PEX14: variants seen among roughly 807,000 people sequenced by gnomAD.
PEX14 encodes the protein peroxisomal biogenesis factor 14, also known as peroxisomal membrane protein PEX14.
In PEX14, 15 loss-of-function variants were observed where a neutral mutation model predicts 49.5. That is an observed-to-expected ratio of 0.30 (90% CI 0.20 to 0.47). The LOEUF is 0.47. Ranked by LOEUF, PEX14 falls within the 20% of genes least tolerant of loss-of-function variation. PEX14 has a pLI of 1.00. For missense variants in PEX14, 398 were observed against 494.8 expected (o/e 0.80, Z 1.86); for synonymous variants, 210 against 212.7 (o/e 0.99, Z 0.11).
intron 4 of PEX14, among the ~76,000 whole-genome samples, chr1:10,606,708 A>G (rs1389556792): frequency 6.6e-6 from 1 of 152,210 alleles, no homozygotes; most frequent in Non-Finnish European, 1.5e-5. Context: ...TTAAAGTTGC[A>G]TTAGAATTCT....
chr1:10,629,485 C>T lies in PEX14; in HGVS notation c.678-46C>T, dbSNP rs775094435. 28 of 1,361,756 alleles carry T rather than the reference C, an allele frequency of 2.1e-5. No homozygotes were observed. The highest frequency in any genetic ancestry group is 2.6e-5 in the Non-Finnish European group (25 of 956,226). The allele number at this position is 1,361,756 out of a possible 1,614,324, so 84.4% of individuals were successfully genotyped here. On this transcript the variant is annotated intron_variant, in intron 8 of 8. Transcript: ENST00000356607. This position sits in a 1 kb window ranked among gnomAD's most constrained non-coding sequence, Gnocchi z 8.5. ...GAAGGCGTGGCCCTTCGAAGGGGGG[C>T]GTCCTGAATGCCGCCACCAACCTCC...
chr1:10,595,374 G>A (rs1414509698), intron 3 of PEX14, among the ~76,000 whole-genome samples: 1 of 152,178 alleles, frequency 6.6e-6, no homozygotes, highest in Non-Finnish European at 1.5e-5. Context: ...GAGCTAGTGG[G>A]TGGAGAGAGT....
chr1:10,480,218 G>A (rs1431928037), intron 1 of PEX14, among the ~76,000 whole-genome samples: 1 of 146,618 alleles, frequency 6.8e-6, no homozygotes, highest in African/African-American at 2.5e-5. Context: ...TTTTTGTTTT[G>A]TTTTGTTTTT....
intron 3 of PEX14, among the ~76,000 whole-genome samples, chr1:10,566,639 C>T (rs551136693): frequency 6.6e-6 from 1 of 152,182 alleles, no homozygotes; most frequent in South Asian, 2.1e-4. Flanking sequence ...CAGGCATGTG[C>T]CATCATGCCT....
intron 2 of PEX14, among the ~76,000 whole-genome samples, chr1:10,517,651 G>C (rs1286496101): frequency 2.4e-5 from 3 of 127,482 alleles, no homozygotes; most frequent in Non-Finnish European, 3.4e-5. Context: ...TTTCCATTTT[G>C]TTCTTTTTTT....
At chr1:10,619,852 T>G (rs1641539279) in intron 5 of PEX14, among the ~76,000 whole-genome samples, 1 of 152,102 alleles carries the variant, frequency 6.6e-6, no homozygotes, top group South Asian at 2.1e-4. Context: ...ACGCCTGTAA[T>G]CCCAGCACTT....
At chr1:10,511,558 C>T (rs985502578) in intron 2 of PEX14, among the ~76,000 whole-genome samples, 3 of 152,194 alleles carry the variant, frequency 2.0e-5, no homozygotes, top group Non-Finnish European at 4.4e-5. Flanking sequence ...GGACCTATAA[C>T]TTCTAGAGAT....
chr1:10,494,946 C>G lies in PEX14; in HGVS notation c.37-328C>G, dbSNP rs190289600. Among the ~76,000 whole-genome samples the G allele has an allele frequency of 3.3e-4, 51 of 152,322 alleles. No homozygotes were observed. Among genetic ancestry groups the G allele is most frequent in the African/African-American group, 1.1e-3 (46 of 41,564 alleles). The stretch of plus-strand genomic sequence containing the variant: ...TCTCTTCAGGCCTTTTCTCTGGACT[C>G]TACTCTTCCCGTGGATTTTGGGATG... On this transcript the variant is annotated intron_variant, in intron 1 of 8. Transcript: ENST00000356607. The surrounding 1 kb of genome is among the most constrained non-coding windows in gnomAD (Gnocchi z 4.3).
chr1:10,529,909 A>G lies in PEX14; in HGVS notation c.85-6304A>G, dbSNP rs1240462684. ...GTTGTAACCCAAATCAACAATGGGA[A>G]GGACACAGTGACAAAACCCAGGAAA... is the stretch of plus-strand genomic sequence containing the variant. On this transcript the variant is annotated intron_variant, in intron 2 of 8. Transcript: ENST00000356607. The surrounding 1 kb of genome is among the most constrained non-coding windows in gnomAD (Gnocchi z 4.2). Among the ~76,000 whole-genome samples, 3 of 152,222 alleles carry G rather than the reference A, an allele frequency of 2.0e-5. No individual in the cohort carries two copies. Among genetic ancestry groups the G allele is most frequent in the Non-Finnish European group, 4.4e-5 (3 of 68,038 alleles).
rs184797694 is a variant in PEX14 at position 10,505,636 on chromosome 1, C to T, written c.84+10315C>T. ...CAAGTGAACCTTCTCTTTAGCCTCC[C>T]AGAGTGCCAAGATTACAGGTGTGAG... On this transcript the variant is annotated intron_variant, in intron 2 of 8. Coordinates refer to ENST00000356607, the MANE Select transcript of PEX14 (RefSeq NM_004565.3). Among the ~76,000 whole-genome samples, 230 of 152,020 alleles carry T rather than the reference C, an allele frequency of 1.5e-3. 1 individual carries two copies. Among genetic ancestry groups the T allele is most frequent in the African/African-American group, 5.3e-3 (220 of 41,450 alleles).
chr1:10,533,692 A>G (rs1172893395), intron 2 of PEX14, among the ~76,000 whole-genome samples: 1 of 152,218 alleles, frequency 6.6e-6, no homozygotes, highest in East Asian at 1.9e-4. Context: ...TCCCAATTGA[A>G]TCAGACCCAC....
chr1:10,579,222 G>A (rs1454568751), intron 3 of PEX14, among the ~76,000 whole-genome samples: 1 of 152,024 alleles, frequency 6.6e-6, no homozygotes. Context: ...TGTAGCACAC[G>A]GGACAATGGA....
intron 5 of PEX14, among the ~76,000 whole-genome samples, chr1:10,620,198 C>A (rs1641548305): frequency 6.6e-6 from 1 of 152,066 alleles, no homozygotes; most frequent in Admixed American, 6.6e-5. Flanking sequence ...ACCTCTAATC[C>A]CAGTACTTTG....
intron 1 of PEX14, among the ~76,000 whole-genome samples, chr1:10,491,774 G>GGA (rs1351089486): frequency 6.8e-6 from 1 of 147,620 alleles, no homozygotes; most frequent in Non-Finnish European, 1.5e-5. Context: ...TCCGCCTCCC[G>GGA]GGTTCAAGCG....
intron 1 of PEX14, among the ~76,000 whole-genome samples, chr1:10,478,176 A>G (rs1325345802): frequency 6.6e-6 from 1 of 152,216 alleles, no homozygotes; most frequent in Non-Finnish European, 1.5e-5. Flanking sequence ...GGCGTGAGCC[A>G]CTGCACCTGG....
chr1:10,616,305 C>T (rs1340884972), intron 4 of PEX14, among the ~76,000 whole-genome samples: 11 of 152,168 alleles, frequency 7.2e-5, no homozygotes, highest in Non-Finnish European at 8.8e-5. Context: ...AAGGAAAGAA[C>T]GGGCCTTCTC....
At chr1:10,568,892 A>G (rs1639891131) in intron 3 of PEX14, among the ~76,000 whole-genome samples, 1 of 152,022 alleles carries the variant, frequency 6.6e-6, no homozygotes, top group East Asian at 1.9e-4. Flanking sequence ...GATGCACGTC[A>G]CCACACCTTG....
chr1:10,609,654 G>A (rs899641915), intron 4 of PEX14, among the ~76,000 whole-genome samples: 2 of 152,316 alleles, frequency 1.3e-5, no homozygotes, highest in South Asian at 4.1e-4. Context: ...GGAGGCTGAG[G>A]AGGGCGGATC....
intron 2 of PEX14, among the ~76,000 whole-genome samples, chr1:10,531,293 C>G (rs1277709372): frequency 6.6e-6 from 1 of 152,190 alleles, no homozygotes; most frequent in East Asian, 1.9e-4. Flanking sequence ...AACTATTTCC[C>G]TGTGCCGCCG....
Sources: gnomAD v4.1 joint callset for allele counts (sites outside exome capture counted in the v4.1 genomes callset) on GRCh38, gnomAD v4.1.1 for gene constraint, Gnocchi (gnomAD v3.1) non-coding constraint, MANE v1.5 for transcripts, NCBI Gene and HGNC (gene_info 2026-07-23, HGNC 2026-07-21) for gene names.